Variants in KLHL29 observed in about 807,000 individuals in gnomAD.
KLHL29 encodes the protein kelch like family member 29.
A neutral mutation model predicts 80.4 loss-of-function variants in KLHL29; 21 were observed. That is an observed-to-expected ratio of 0.26 (90% CI 0.19 to 0.38). The LOEUF (loss-of-function observed/expected upper bound fraction) is 0.38. Among genes scored for constraint, KLHL29 ranks in the 10% least tolerant of loss-of-function variants. The probability of loss-of-function intolerance (pLI) is 1.00; values close to 1 mark genes in which losing one functional copy is unlikely to be tolerated. For missense variants in KLHL29, 867 were observed against 1,223.9 expected, an observed-to-expected ratio of 0.71 and a Z score of 4.35; for synonymous variants, 511 against 526.8, an observed-to-expected ratio of 0.97 and a Z score of 0.41.
rs1038391249 is a variant in KLHL29 at position 23,682,008 on chromosome 2, C to G, written c.941-2391C>G. On this transcript the variant is annotated intron_variant, in intron 5 of 13. Coordinates refer to ENST00000486442, the MANE Select transcript of KLHL29 (RefSeq NM_052920.2). The surrounding 1 kb of genome is among the most constrained non-coding windows in gnomAD (Gnocchi z 4.1). ...ATCCACCGCCTCCTACCCCATCCCC[C>G]AGGTGTCCCACAGGCCCCACCCCAC... Among the ~76,000 whole-genome samples, 1 of 152,094 alleles carries G rather than the reference C, an allele frequency of 6.6e-6. No individual in the cohort carries two copies. The highest frequency in any genetic ancestry group is 3.2e-3 in the Middle Eastern group (1 of 316).
At chr2:23,405,820 A>G (rs1666712784) in intron 1 of KLHL29, among the ~76,000 whole-genome samples, 1 of 152,220 alleles carries the variant, frequency 6.6e-6, no homozygotes, top group Admixed American at 6.5e-5. Context: ...GAGGTCAAGC[A>G]GAATGGGCTG....
chr2:23,670,917 G>GCGCGCGCACTCTCTCTCTCTCTCTCT lies in KLHL29; in HGVS notation c.941-13481_941-13480insGCGCGCACTCTCTCTCTCTCTCTCTC, dbSNP rs150131401. 1.1e-4 allele frequency among the ~76,000 whole-genome samples: 2 copies of GCGCGCGCACTCTCTCTCTCTCTCTCT among 18,568 alleles called. 1 individual carries two copies. Among genetic ancestry groups the GCGCGCGCACTCTCTCTCTCTCTCTCT allele is most frequent in the Non-Finnish European group, 2.4e-4 (2 of 8,504 alleles). 12.2% of individuals were successfully genotyped at this position (18,568 alleles called of 152,430 possible). On this transcript the variant is annotated intron_variant, in intron 5 of 13. Coordinates refer to ENST00000486442, the MANE Select transcript of KLHL29 (RefSeq NM_052920.2). ...GAGGGGTCTCTACACACATGCACGC[G>GCGCGCGCACTCTCTCTCTCTCTCTCT]CTCTCTCTCTCTCTCTCTCTCTCTC...
intron 2 of KLHL29, among the ~76,000 whole-genome samples, chr2:23,534,130 C>G (rs1420026529): frequency 1.3e-5 from 2 of 152,194 alleles, no homozygotes; most frequent in East Asian, 3.9e-4. Flanking sequence ...TGAGCAGCAC[C>G]CATTTTATCG....
chr2:23,456,403 C>T (rs1664051878), intron 1 of KLHL29, among the ~76,000 whole-genome samples: 1 of 152,244 alleles, frequency 6.6e-6, no homozygotes, highest in Non-Finnish European at 1.5e-5. Context: ...GCCAGGAACC[C>T]AGGAAGATGC....
chr2:23,592,060 G>GA (rs1303365836), intron 3 of KLHL29, among the ~76,000 whole-genome samples: 2 of 152,246 alleles, frequency 1.3e-5, no homozygotes, highest in African/African-American at 2.4e-5. Context: ...TTGAATGAGT[G>GA]AATGATGGGC....
At chr2:23,556,494 A>C (rs1314460856) in intron 2 of KLHL29, among the ~76,000 whole-genome samples, 2 of 152,062 alleles carry the variant, frequency 1.3e-5, no homozygotes, top group Admixed American at 6.5e-5. Flanking sequence ...AAACAAAAAA[A>C]ATACAAAAAT....
At chr2:23,573,498 T>C (rs954126805) in intron 3 of KLHL29, among the ~76,000 whole-genome samples, 10 of 152,150 alleles carry the variant, frequency 6.6e-5, no homozygotes, top group African/African-American at 9.7e-5. Flanking sequence ...AGGACAACCC[T>C]GGTGAAATTG....
chr2:23,428,964 T>C (rs1663083963), intron 1 of KLHL29, among the ~76,000 whole-genome samples: 1 of 152,218 alleles, frequency 6.6e-6, no homozygotes, highest in Admixed American at 6.5e-5. Flanking sequence ...GACTCTGGGT[T>C]CTCATCCTGA....
chr2:23,667,145 G>A (rs1670575191), intron 5 of KLHL29: 1 of 152,248 alleles, frequency 6.6e-6, no homozygotes, highest in South Asian at 2.1e-4. Flanking sequence ...AGAATTCATA[G>A]GTGGCTGCTT....
At chr2:23,424,935 A>G (rs1662965788) in intron 1 of KLHL29, among the ~76,000 whole-genome samples, 1 of 152,236 alleles carries the variant, frequency 6.6e-6, no homozygotes, top group South Asian at 2.1e-4. Context: ...GCTGATGCAC[A>G]TAATTAAGTT....
chr2:23,564,838 G>A lies in KLHL29; in HGVS notation c.285+2357G>A, dbSNP rs143622409. The stretch of plus-strand genomic sequence containing the variant: ...ATAACAAATCTGTGGCCTGGACAGT[G>A]TGACCAGATGACCCAAGAATGTCTC... On this transcript the variant is annotated intron_variant, in intron 3 of 13. Coordinates refer to ENST00000486442, the MANE Select transcript of KLHL29 (RefSeq NM_052920.2). Among the ~76,000 whole-genome samples the A allele has an allele frequency of 3.1e-3, 470 of 152,352 alleles. 3 individuals carry two copies. Among genetic ancestry groups the A allele is most frequent in the African/African-American group, 0.011 (457 of 41,592 alleles).
chr2:23,508,668 C>T (rs1262321365), intron 2 of KLHL29, among the ~76,000 whole-genome samples: 1 of 152,246 alleles, frequency 6.6e-6, no homozygotes, highest in Non-Finnish European at 1.5e-5. Context: ...CCGCATCTTG[C>T]AGACAAAACC....
chr2:23,397,133 C>G (rs1230693864), intron 1 of KLHL29, among the ~76,000 whole-genome samples: 1 of 152,132 alleles, frequency 6.6e-6, no homozygotes, highest in South Asian at 2.1e-4. Flanking sequence ...GAGGGAAGGT[C>G]GCAGGCAGCC....
In KLHL29 at chr2:23,642,519, C is replaced by T. The variant is rs1572460074; in HGVS notation, c.609C>T (p.His203=). 1 of 1,533,150 alleles carries T rather than the reference C, an allele frequency of 6.5e-7. No individual in the cohort carries two copies. 95.0% of individuals were successfully genotyped at this position (1,533,150 alleles called of 1,614,324 possible). A position where few individuals can be genotyped will look rare whatever the true frequency, so the allele number is the denominator to read the frequency against. Residue 203 remains histidine (H), a synonymous_variant, in exon 5 of 14, where the codon CAC becomes CAT. Coordinates refer to ENST00000486442, the MANE Select transcript of KLHL29 (RefSeq NM_052920.2). ...VGPQLPLMPG[H]YSLPQPPSQP... is the part of the protein sequence containing the mutation. ...CCCAGCTCCCGCTGATGCCAGGCCA[C>T]TACTCGCTCCCTCAGCCGCCCTCTC...
In KLHL29 at chr2:23,408,076, G is replaced by A. The variant is rs1184504349; in HGVS notation, c.-154+22296G>A. ...TGTATAGACTAGAGGGTGTTTCCAG[G>A]CTGTTTATTCTGTTTCATTCAAACT... is the stretch of plus-strand genomic sequence containing the variant. On this transcript the variant is annotated intron_variant, in intron 1 of 13. Transcript: ENST00000486442. Among the ~76,000 whole-genome samples, 3 of 151,544 alleles carry A rather than the reference G, an allele frequency of 2.0e-5. No individual in the cohort carries two copies. The East Asian group carries it at 5.8e-4, about 29-fold the overall frequency.
intron 2 of KLHL29, among the ~76,000 whole-genome samples, chr2:23,510,049 C>T (rs967206862): frequency 2.0e-5 from 3 of 152,098 alleles, no homozygotes; most frequent in African/African-American, 7.2e-5. Context: ...ACTGGCTACA[C>T]AGTCACCCAT....
chr2:23,602,564 G>C (rs1668598417), intron 3 of KLHL29, among the ~76,000 whole-genome samples: 1 of 151,982 alleles, frequency 6.6e-6, no homozygotes, highest in Admixed American at 6.6e-5. Context: ...AAAAGCAGGT[G>C]AATGTCCCTC....
At chr2:23,460,321 A>G (rs772346755) in intron 1 of KLHL29, among the ~76,000 whole-genome samples, 1 of 152,132 alleles carries the variant, frequency 6.6e-6, no homozygotes, top group Non-Finnish European at 1.5e-5. Context: ...TTTCTAGTGC[A>G]GTGGTTCTCA....
intron 1 of KLHL29, among the ~76,000 whole-genome samples, chr2:23,475,025 T>A (rs977194391): frequency 2.6e-5 from 4 of 151,952 alleles, no homozygotes; most frequent in Admixed American, 1.3e-4. Flanking sequence ...AAAAAAAAAA[T>A]TCTCCCCAGG....
Sources: allele counts gnomAD v4.1 joint callset (sites outside exome capture counted in the v4.1 genomes callset), GRCh38; gene constraint gnomAD v4.1.1; non-coding constraint Gnocchi (gnomAD v3.1); transcripts MANE v1.5; gene names NCBI Gene and HGNC (gene_info 2026-07-23, HGNC 2026-07-21).